Variants in MARCHF5 observed in about 807,000 individuals in gnomAD.
MARCHF5 encodes E3 ubiquitin-protein ligase MARCHF5.
In MARCHF5, 5 loss-of-function variants were observed where a neutral mutation model predicts 36.5. That is an observed-to-expected ratio of 0.14 (90% confidence interval 0.07 to 0.29). MARCHF5 has a LOEUF of 0.29. Among genes scored for constraint, MARCHF5 ranks in the 10% least tolerant of loss-of-function variants. The pLI is 1.00. For missense variants in MARCHF5, 179 were observed against 336.3 expected, an observed-to-expected ratio of 0.53 and a Z score of 3.66; for synonymous variants, 103 against 109.9, an observed-to-expected ratio of 0.94 and a Z score of 0.39.
chr10:92,347,299 C>G (rs540446069), intron 3 of MARCHF5, among the ~76,000 whole-genome samples: 1 of 152,156 alleles, frequency 6.6e-6, no homozygotes, highest in African/African-American at 2.4e-5. Context: ...ACCTGGCTAA[C>G]GTGGTGAAAC....
rs532709686 is a variant in MARCHF5, at chr10:92,324,324, C to A, written c.238+12987C>A. Among the ~76,000 whole-genome samples, 52 of 152,160 alleles carry A rather than the reference C, an allele frequency of 3.4e-4. No homozygotes were observed. The South Asian group carries it at 6.2e-3, about 18-fold the overall frequency. ...TTTTCTCCTTGGTTGTCTTCTCATT[C>A]TCTTAATCTTTCTCCTTTTCTTTCT... On this transcript the variant is annotated intron_variant, in intron 2 of 5. Coordinates refer to ENST00000358935, the MANE Select transcript of MARCHF5 (RefSeq NM_017824.5).
In MARCHF5 at chr10:92,291,477, GC is replaced by G. The variant is rs2135165773; in HGVS notation, c.-17del. Reference sequence around the variant, plus strand: ...GCGGGTCCACTGGGGAAGGCCGTGTGCGCCGGCTCCGCGGAAGATGCCGGAC... The same window carrying G: ...GCGGGTCCACTGGGGAAGGCCGTGTGGCCGGCTCCGCGGAAGATGCCGGAC... On this transcript the variant is annotated 5_prime_UTR_variant, in exon 1 of 6. Transcript: ENST00000358935. 6.5e-7 allele frequency: 1 copy of G among 1,546,866 alleles called. No individual in the cohort carries two copies. Among genetic ancestry groups the G allele is most frequent in the Non-Finnish European group, 8.7e-7 (1 of 1,144,024 alleles).
At chr10:92,339,669 CAAAA>C (rs60607021) in intron 2 of MARCHF5, among the ~76,000 whole-genome samples, 10 of 149,542 alleles carry the variant, frequency 6.7e-5, no homozygotes, top group African/African-American at 2.5e-4. Context: ...GACTCCATCT[CAAAA>C]AAAAATAAAA....
Position 92,301,554 on chromosome 10 carries a change from G to A in MARCHF5, c.36-9581G>A, listed in dbSNP as rs1454374037. On this transcript the variant is annotated intron_variant, in intron 1 of 5. Transcript: ENST00000358935. ...TAAGATGGGATTAATTGTGCTTTCA[G>A]AGTTTATGAACATCAAAGACAAAAG... 2.0e-5 allele frequency among the ~76,000 whole-genome samples: 3 copies of A among 152,164 alleles called. No individual in the cohort carries two copies. The East Asian group carries it at 5.8e-4, about 29-fold the overall frequency.
At chr10:92,349,066 A>G (rs756244996) in intron 3 of MARCHF5, among the ~76,000 whole-genome samples, 2 of 152,148 alleles carry the variant, frequency 1.3e-5, no homozygotes, top group African/African-American at 2.4e-5. Context: ...AGAAGCAACA[A>G]TCAGAGGTCC....
In MARCHF5 at chr10:92,306,776, G is replaced by A. The variant is rs191574265; in HGVS notation, c.36-4359G>A. 3.3e-5 allele frequency among the ~76,000 whole-genome samples: 5 copies of A among 152,294 alleles called. No homozygotes were observed. The East Asian group carries it at 7.7e-4, about 24-fold the overall frequency. On this transcript the variant is annotated intron_variant, in intron 1 of 5. Transcript: ENST00000358935. ...TGACTGTAATCTCAGCACTTTGGGA[G>A]GCCGAGGCAGGTGGATTACTTGAGG... is the stretch of plus-strand genomic sequence containing the variant.
chr10:92,331,054 A>C (rs1045488879), intron 2 of MARCHF5, among the ~76,000 whole-genome samples: 1 of 152,244 alleles, frequency 6.6e-6, no homozygotes, highest in African/African-American at 2.4e-5. Flanking sequence ...CTTATTAATA[A>C]GAACAATTAT....
intron 2 of MARCHF5, among the ~76,000 whole-genome samples, chr10:92,314,719 CAG>C (rs951858971): frequency 2.1e-5 from 3 of 141,176 alleles, no homozygotes; most frequent in African/African-American, 8.2e-5. Context: ...AACAGAAAAA[CAG>C]AGTATTTGCT....
chr10:92,295,523 T>G (rs1270244019), intron 1 of MARCHF5, among the ~76,000 whole-genome samples: 1 of 150,598 alleles, frequency 6.6e-6, no homozygotes, highest in Non-Finnish European at 1.5e-5. Context: ...TTCTCCTGCC[T>G]CAGCCTCCCG....
At chr10:92,341,180 A>G (rs1034199843) in intron 3 of MARCHF5, among the ~76,000 whole-genome samples, 2 of 152,202 alleles carry the variant, frequency 1.3e-5, no homozygotes, top group Admixed American at 1.3e-4. Context: ...AGGCAGGTGG[A>G]TCACCTGAGG....
chr10:92,294,095 ATT>A (rs954582407), intron 1 of MARCHF5, among the ~76,000 whole-genome samples: 1 of 152,188 alleles, frequency 6.6e-6, no homozygotes, highest in African/African-American at 2.4e-5. Context: ...GGGCATCTAT[ATT>A]TTAAAGCTTT....
chr10:92,340,936 C>A, intron 3 of MARCHF5, 133 bp downstream of exon 3: 1 of 802,286 alleles, frequency 1.2e-6, no homozygotes, highest in Non-Finnish European at 1.8e-6. Context: ...TGTTATTTCC[C>A]CTACTTTTTC....
intron 2 of MARCHF5, among the ~76,000 whole-genome samples, chr10:92,319,130 A>G (rs1186990321): frequency 6.6e-6 from 1 of 152,228 alleles, no homozygotes; most frequent in Non-Finnish European, 1.5e-5. Flanking sequence ...GTGGCATTGT[A>G]GCTGTGGTAA....
At chr10:92,333,074 C>T (rs748578371) in intron 2 of MARCHF5, among the ~76,000 whole-genome samples, 18 of 151,262 alleles carry the variant, frequency 1.2e-4, no homozygotes, top group Admixed American at 1.1e-3. Context: ...GCAGGAGAAT[C>T]GCTTGAACCT....
At chr10:92,301,656 A>T (rs1441734994) in intron 1 of MARCHF5, among the ~76,000 whole-genome samples, 1 of 152,256 alleles carries the variant, frequency 6.6e-6, no homozygotes. Context: ...CCTCCCAAGG[A>T]TGCCAAACTC....
chr10:92,323,400 A>G (rs943972204), intron 2 of MARCHF5, among the ~76,000 whole-genome samples: 15 of 152,088 alleles, frequency 9.9e-5, no homozygotes, highest in Non-Finnish European at 7.4e-5. Context: ...TACCACCCAG[A>G]GTGTCCATAG....
chr10:92,316,691 T>G (rs10748578), intron 2 of MARCHF5, among the ~76,000 whole-genome samples: 83,213 of 151,704 alleles, frequency 0.55, 23,327 homozygotes, highest in Admixed American at 0.66. Context: ...GCCTTCCAAG[T>G]AGATGGGGTT....
intron 1 of MARCHF5, 86 bp from the exon 2 acceptor site, chr10:92,311,049 C>T (rs921735366): frequency 2.2e-6 from 2 of 924,660 alleles, no homozygotes; most frequent in Admixed American, 2.2e-5. Flanking sequence ...ACATAGCAGG[C>T]TCATCCCATT....
Position 92,318,640 on chromosome 10 carries a change from G to A in MARCHF5, c.238+7303G>A, listed in dbSNP as rs549834682. Among the ~76,000 whole-genome samples, 339 of 144,928 alleles carry A rather than the reference G, an allele frequency of 2.3e-3. 2 individuals carry two copies. The highest frequency in any genetic ancestry group is 7.8e-3 in the African/African-American group (313 of 40,274). The stretch of plus-strand genomic sequence containing the variant: ...AACAATAAAGGGAGAGAGAAAGAAC[G>A]GAAAAAAAAAAAACAGACATCCTTA... On this transcript the variant is annotated intron_variant, in intron 2 of 5. Coordinates refer to ENST00000358935, the MANE Select transcript of MARCHF5 (RefSeq NM_017824.5).
Sources: allele counts gnomAD v4.1 joint callset (sites outside exome capture counted in the v4.1 genomes callset), GRCh38; gene constraint gnomAD v4.1.1; transcripts MANE v1.5; gene names NCBI Gene and HGNC (gene_info 2026-07-23, HGNC 2026-07-21).